SERGEF: variants seen among roughly 807,000 people sequenced by gnomAD.
SERGEF encodes secretion regulating guanine nucleotide exchange factor.
A neutral mutation model predicts 50.0 loss-of-function variants in SERGEF; 51 were observed. The ratio of observed to expected loss-of-function variants is 1.02; its 90% CI spans 0.81 to 1.29. SERGEF has a LOEUF of 1.29. SERGEF is among the 50% of genes most tolerant of loss of function. The probability of loss-of-function intolerance (pLI) is 0.00; values close to 1 mark genes in which losing one functional copy is unlikely to be tolerated. For synonymous variants in SERGEF, 205 were observed against 212.4 expected (o/e 0.97, Z 0.30); for missense variants, 521 against 557.0 (o/e 0.94, Z 0.65).
chr11:17,988,541 A>G lies in SERGEF; in HGVS notation c.844+56T>C. On this transcript the variant is annotated intron_variant, in intron 8 of 10. Coordinates refer to ENST00000265965, the MANE Select transcript of SERGEF (RefSeq NM_012139.4). The stretch of plus-strand genomic sequence containing the variant: ...TAACCCCAAGCACTCATGGCTGCTT[A>G]GACAGCTGTCCCCCAGCTGCTCTTA... The G allele has an allele frequency of 1.9e-6, 3 of 1,570,696 alleles. No homozygotes were observed. In the Admixed American group the frequency reaches 5.1e-5, roughly 27 times the overall value.
At chr11:17,948,756 A>G (rs1047810157) in intron 9 of SERGEF, among the ~76,000 whole-genome samples, 9 of 152,152 alleles carry the variant, frequency 5.9e-5, no homozygotes, top group African/African-American at 2.2e-4. Flanking sequence ...TCTACCTCCT[A>G]CTTTGCTTTC....
At position 17,820,689 on chromosome 11, in the gene SERGEF, C is replaced by T. The variant is rs1359101555; in HGVS notation, c.1049-32276G>A. 2.0e-5 allele frequency among the ~76,000 whole-genome samples: 3 copies of T among 152,204 alleles called. No homozygotes were observed. The East Asian group carries it at 5.8e-4, about 29-fold the overall frequency. On this transcript the variant is annotated intron_variant, in intron 10 of 10. Transcript: ENST00000265965. ...TTAGTCAATGCCTTAACCCCCAGAA[C>T]TTGTGAATGTGACCTTTTATGGAAA...
chr11:18,007,367 C>G (rs1854095971), intron 2 of SERGEF, among the ~76,000 whole-genome samples: 1 of 152,142 alleles, frequency 6.6e-6, no homozygotes, highest in African/African-American at 2.4e-5. Context: ...CATTATTATC[C>G]TCATGTAACA....
chr11:17,927,027 C>T lies in SERGEF; in HGVS notation c.1011+32443G>A, dbSNP rs1197921053. On this transcript the variant is annotated intron_variant, in intron 9 of 10. Coordinates refer to ENST00000265965, the MANE Select transcript of SERGEF (RefSeq NM_012139.4). The stretch of plus-strand genomic sequence containing the variant: ...TGCTTTGTTGTTCCAACTCCAGGCC[C>T]CTGACAGGGTCTCTGGGTCAAACAT... Among the ~76,000 whole-genome samples, 6 of 152,182 alleles carry T rather than the reference C, an allele frequency of 3.9e-5. No individual in the cohort carries two copies. In the East Asian group the frequency reaches 9.6e-4, roughly 24 times the overall value.
Position 17,986,884 on chromosome 11 carries a change from C to T in SERGEF, c.844+1713G>A, listed in dbSNP as rs771858261. On this transcript the variant is annotated intron_variant, in intron 8 of 10. Coordinates refer to ENST00000265965, the MANE Select transcript of SERGEF (RefSeq NM_012139.4). ...ATACTGGAATGTAGTAAAATTTTAT[C>T]ACAGGTCTATCACCCCTAGTGGACA... is the stretch of plus-strand genomic sequence containing the variant. 7.3e-4 allele frequency among the ~76,000 whole-genome samples: 111 copies of T among 152,160 alleles called. 1 individual carries two copies. Among genetic ancestry groups the T allele is most frequent in the Non-Finnish European group, 8.2e-4 (56 of 68,028 alleles).
At chr11:17,810,653 ACTGT>A (rs1849851624) in intron 10 of SERGEF, among the ~76,000 whole-genome samples, 1 of 152,202 alleles carries the variant, frequency 6.6e-6, no homozygotes, top group Non-Finnish European at 1.5e-5. Flanking sequence ...AGATTGTGAG[ACTGT>A]CTGTGAGGAC....
At chr11:17,963,181 CAAAAAAAAA>C (rs1164488575) in intron 8 of SERGEF, among the ~76,000 whole-genome samples, 2 of 16,492 alleles carry the variant, frequency 1.2e-4, no homozygotes, top group Non-Finnish European at 2.4e-4. Flanking sequence ...GACTCTGTTT[CAAAAAAAAA>C]AAAAAAAAAA....
At chr11:17,890,365 A>G (rs1296148906) in intron 9 of SERGEF, among the ~76,000 whole-genome samples, 1 of 152,232 alleles carries the variant, frequency 6.6e-6, no homozygotes, top group Non-Finnish European at 1.5e-5. Flanking sequence ...GTAGTGCTGC[A>G]TTATAACTAA....
chr11:17,875,061 G>T (rs1400078332), intron 10 of SERGEF, among the ~76,000 whole-genome samples: 1 of 152,204 alleles, frequency 6.6e-6, no homozygotes, highest in Non-Finnish European at 1.5e-5. Context: ...AAGACATAGA[G>T]AAGGTAAGCC....
At chr11:18,007,189 A>G (rs550765077) in intron 2 of SERGEF, among the ~76,000 whole-genome samples, 9 of 152,360 alleles carry the variant, frequency 5.9e-5, no homozygotes, top group African/African-American at 2.2e-4. Flanking sequence ...CAATGCATAT[A>G]TAACACTAAA....
rs200128977 is a variant in SERGEF, at chr11:17,910,185, A to ACTCTCTCT, written c.1012-31942_1012-31941insAGAGAGAG. 4.0e-4 allele frequency among the ~76,000 whole-genome samples: 43 copies of ACTCTCTCT among 108,518 alleles called. No individual in the cohort carries two copies. The East Asian group carries it at 5.0e-3, about 13-fold the overall frequency. The allele number at this position is 108,518 out of a possible 152,430, so 71.2% of individuals were successfully genotyped here. A position where few individuals can be genotyped will look rare whatever the true frequency, so the allele number is the denominator to read the frequency against. On this transcript the variant is annotated intron_variant, in intron 9 of 10. Transcript: ENST00000265965. The stretch of plus-strand genomic sequence containing the variant: ...ATTTGCCACCTACACACACACACAC[A>ACTCTCTCT]CACACACACTCTCTCTCTCTCTCTC...
At chr11:17,831,753 G>A (rs1850311664) in intron 10 of SERGEF, among the ~76,000 whole-genome samples, 1 of 152,192 alleles carries the variant, frequency 6.6e-6, no homozygotes, top group Admixed American at 6.5e-5. Flanking sequence ...AATAACTGAA[G>A]ACAGGGTAAG....
chr11:18,009,792 GATTCAGA>G (rs936750371), intron 1 of SERGEF, among the ~76,000 whole-genome samples: 1 of 152,134 alleles, frequency 6.6e-6, no homozygotes, highest in Non-Finnish European at 1.5e-5. Flanking sequence ...ATGTATTTCA[GATTCAGA>G]ATTTTACAGC....
At chr11:18,008,438 T>C (rs1434600427) in intron 1 of SERGEF, among the ~76,000 whole-genome samples, 2 of 152,202 alleles carry the variant, frequency 1.3e-5, no homozygotes, top group Non-Finnish European at 2.9e-5. Flanking sequence ...AAAGGACAAA[T>C]GCCCTGCTTG....
chr11:17,973,378 C>A (rs61884494), intron 8 of SERGEF, among the ~76,000 whole-genome samples: 1 of 152,158 alleles, frequency 6.6e-6, no homozygotes, highest in Non-Finnish European at 1.5e-5. Flanking sequence ...CAGGACCCCA[C>A]CTCTGAAACC....
At chr11:17,830,024 C>T (rs934773174) in intron 10 of SERGEF, among the ~76,000 whole-genome samples, 1 of 152,230 alleles carries the variant, frequency 6.6e-6, no homozygotes, top group African/African-American at 2.4e-5. Context: ...CAATCCTATA[C>T]TCCAAGGCCA....
In SERGEF at chr11:17,888,220, G is replaced by A. The variant is rs190593301; in HGVS notation, c.1012-9976C>T. 5.3e-5 allele frequency among the ~76,000 whole-genome samples: 8 copies of A among 152,174 alleles called. No individual in the cohort carries two copies. The East Asian group carries it at 1.2e-3, about 22-fold the overall frequency. ...TTGGGGACTGCTGCTTTACAGCAGT[G>A]GGGGGAAATATTGATATTCACAACA... On this transcript the variant is annotated intron_variant, in intron 9 of 10. Transcript: ENST00000265965. This position sits in a 1 kb window ranked among gnomAD's most constrained non-coding sequence, Gnocchi z 4.1.
intron 5 of SERGEF, among the ~76,000 whole-genome samples, chr11:18,000,040 C>CCTTA (rs2134007638): frequency 6.6e-6 from 1 of 152,316 alleles, no homozygotes; most frequent in Admixed American, 6.5e-5. Context: ...ATGACTTCTG[C>CCTTA]CTTATGTTCT....
At chr11:17,813,383 G>A (rs1339239553) in intron 10 of SERGEF, among the ~76,000 whole-genome samples, 2 of 152,154 alleles carry the variant, frequency 1.3e-5, no homozygotes, top group Non-Finnish European at 2.9e-5. Flanking sequence ...GCAAAGCAGG[G>A]TTCCAGTCTT....
Sources: gnomAD v4.1 joint callset for allele counts (sites outside exome capture counted in the v4.1 genomes callset) on GRCh38, gnomAD v4.1.1 for gene constraint, Gnocchi (gnomAD v3.1) non-coding constraint, MANE v1.5 for transcripts, NCBI Gene and HGNC (gene_info 2026-07-23, HGNC 2026-07-21) for gene names.